FBXW8: variants seen among roughly 807,000 people sequenced by gnomAD.
FBXW8 encodes F-box/WD repeat-containing protein 8.
FBXW8 carries 57 observed loss-of-function variants against 65.3 expected under a neutral mutation model. The observed-to-expected ratio is 0.87, with a 90% CI of 0.71 to 1.09. The LOEUF (loss-of-function observed/expected upper bound fraction) is 1.09, where lower values mean the gene tolerates loss of function less well. Ranked by LOEUF, FBXW8 falls within the 50% of genes least tolerant of loss-of-function variation. FBXW8 has a pLI of 0.00. For missense variants in FBXW8, 777 were observed against 814.8 expected (o/e 0.95, Z 0.57); for synonymous variants, 308 against 330.2 (o/e 0.93, Z 0.73).
chr12:116,944,155 G>A (rs778050766), intron 2 of FBXW8, among the ~76,000 whole-genome samples: 2 of 152,126 alleles, frequency 1.3e-5, no homozygotes, highest in Non-Finnish European at 2.9e-5. Context: ...CAACTTAGAC[G>A]TCACTGTTCT....
intron 4 of FBXW8, among the ~76,000 whole-genome samples, chr12:116,955,043 G>GC (rs1319673520): frequency 6.6e-6 from 1 of 151,386 alleles, no homozygotes; most frequent in Non-Finnish European, 1.5e-5. Flanking sequence ...AAATGGGGGG[G>GC]GGGGGCCCTG....
At chr12:116,950,617 A>G (rs754412833) in intron 4 of FBXW8, 6 of 152,218 alleles carry the variant, frequency 3.9e-5, no homozygotes, top group Admixed American at 3.9e-4. Context: ...ATTTTGTGGC[A>G]TGCAGTGCCT....
At chr12:116,980,950 G>A (rs1019145412) in intron 5 of FBXW8, among the ~76,000 whole-genome samples, 6 of 152,102 alleles carry the variant, frequency 3.9e-5, no homozygotes, top group African/African-American at 1.2e-4. Context: ...ATGTTGGCTC[G>A]ATCAGTCAGG....
At chr12:116,954,457 T>A (rs1332309100) in intron 4 of FBXW8, among the ~76,000 whole-genome samples, 2 of 152,208 alleles carry the variant, frequency 1.3e-5, no homozygotes, top group Non-Finnish European at 2.9e-5. Context: ...GACATTAAGG[T>A]CATTTCCTGT....
chr12:116,976,466 T>C (rs1201726502), intron 5 of FBXW8, among the ~76,000 whole-genome samples: 1 of 148,058 alleles, frequency 6.8e-6, no homozygotes, highest in Non-Finnish European at 1.5e-5. Flanking sequence ...TTTTTTTTTT[T>C]TTTTTTCAAA....
intron 8 of FBXW8, among the ~76,000 whole-genome samples, chr12:117,014,957 T>TA (rs1953914057): frequency 6.6e-6 from 1 of 152,186 alleles, no homozygotes; most frequent in South Asian, 2.1e-4. Flanking sequence ...ATGGGGTTTC[T>TA]ATCAGAGTTC....
intron 5 of FBXW8, among the ~76,000 whole-genome samples, chr12:116,970,557 C>G (rs916899902): frequency 6.6e-6 from 1 of 152,138 alleles, no homozygotes; most frequent in Non-Finnish European, 1.5e-5. Flanking sequence ...TTTAGTTAGA[C>G]GGCTGTAGAG....
At chr12:117,002,637 G>A (rs544692204) in intron 7 of FBXW8, 2 of 152,210 alleles carry the variant, frequency 1.3e-5, no homozygotes, top group Admixed American at 1.3e-4. Context: ...CTTATCTCTG[G>A]CAAGGACTTA....
intron 4 of FBXW8, chr12:116,950,011 A>G (rs1458090881): frequency 6.3e-6 from 2 of 315,712 alleles, no homozygotes; most frequent in East Asian, 1.2e-4. Flanking sequence ...AACAGTTTGT[A>G]TTTTATGAAG....
chr12:116,992,518 C>T (rs569762805), intron 7 of FBXW8, among the ~76,000 whole-genome samples: 34 of 151,172 alleles, frequency 2.2e-4, no homozygotes, highest in Admixed American at 2.0e-3. Flanking sequence ...GAAGCTTGTG[C>T]TTTTAGTGTA....
chr12:116,952,976 A>C (rs1461320561), intron 4 of FBXW8, among the ~76,000 whole-genome samples: 1 of 152,078 alleles, frequency 6.6e-6, no homozygotes, highest in Non-Finnish European at 1.5e-5. Flanking sequence ...GGCTTCAAGA[A>C]ATCAGCCCAC....
intron 9 of FBXW8, among the ~76,000 whole-genome samples, chr12:117,026,928 C>G (rs909924642): frequency 1.3e-5 from 2 of 152,154 alleles, no homozygotes; most frequent in African/African-American, 4.8e-5. Flanking sequence ...ACCCAGGGTA[C>G]GTGTGTCATT....
chr12:116,924,574 T>C (rs116003560), intron 1 of FBXW8, among the ~76,000 whole-genome samples: 2,355 of 152,314 alleles, frequency 0.015, 53 homozygotes, highest in African/African-American at 0.047. Flanking sequence ...TGTCTGATAG[T>C]GTGTTTTAGA....
rs1341173413 is a variant in FBXW8, at chr12:116,972,821, T to A, written c.835+7967T>A. On this transcript the variant is annotated intron_variant, in intron 5 of 10. Transcript: ENST00000652555. ...GATGTACATGTATGTCGTATGTATA[T>A]ATGTTTATGTGTGTCCTGGCTTTGT... is the stretch of plus-strand genomic sequence containing the variant. Among the ~76,000 whole-genome samples, 3 of 152,216 alleles carry A rather than the reference T, an allele frequency of 2.0e-5. No homozygotes were observed. In the East Asian group the frequency reaches 5.8e-4, roughly 29 times the overall value.
In FBXW8 at chr12:116,928,036, A is replaced by G. The variant is rs768310872; in HGVS notation, c.332A>G (p.Asp111Gly). 5.0e-6 allele frequency: 8 copies of G among 1,597,558 alleles called. No homozygotes were observed. Residue 111 changes from aspartate (D) to glycine (G), a missense_variant, in exon 2 of 11, where the codon GAT (aspartate) becomes GGT (glycine). Coordinates refer to ENST00000652555, the MANE Select transcript of FBXW8 (RefSeq NM_153348.3). ...TTTTCCCCTCAGAATGAAATGAATG[A>G]TGTGCCTTTCTTTGATATCCAACTG... ...QLIRDLNEMNDVPFFDIQLPY... is the reference protein window; with the variant it reads ...QLIRDLNEMNGVPFFDIQLPY...
chr12:116,988,727 A>G lies in FBXW8; in HGVS notation c.1097A>G (p.Asp366Gly). The G allele has an allele frequency of 6.2e-7, 1 of 1,614,118 alleles. No homozygotes were observed. The highest frequency in any genetic ancestry group is 1.3e-5 in the African/African-American group (1 of 75,008). The change falls in exon 7 of 11, where the codon GAT (aspartate) becomes GGT (glycine). Residue 366 changes from aspartate to glycine, a missense_variant. Coordinates refer to ENST00000652555, the MANE Select transcript of FBXW8 (RefSeq NM_153348.3). ...RYPVAVAAAG[D>G]LMYLLKAEDS... ...CCTGTGGCAGTAGCCGCTGCTGGAG[A>G]TCTGATGTACCTGCTCAAAGCCGAA... is the stretch of plus-strand genomic sequence containing the variant.
chr12:116,925,541 C>T (rs932247917), intron 1 of FBXW8, among the ~76,000 whole-genome samples: 1 of 151,896 alleles, frequency 6.6e-6, no homozygotes, highest in African/African-American at 2.4e-5. Flanking sequence ...TCTTTTTTTT[C>T]CCTGCCATTT....
At chr12:116,982,899 AC>A (rs1885415406) in intron 5 of FBXW8, among the ~76,000 whole-genome samples, 1 of 152,198 alleles carries the variant, frequency 6.6e-6, no homozygotes, top group African/African-American at 2.4e-5. Flanking sequence ...TTATGCACTT[AC>A]AAATGCAGCC....
chr12:116,985,300 C>T lies in FBXW8; in HGVS notation c.930C>T (p.Asp310=), dbSNP rs771364451. 2.5e-5 allele frequency: 40 copies of T among 1,614,086 alleles called. No homozygotes were observed. Among genetic ancestry groups the T allele is most frequent in the African/African-American group, 6.7e-5 (5 of 74,930 alleles). Residue 310 remains aspartate, a synonymous_variant, in exon 6 of 11, where the codon GAC becomes GAT. Coordinates refer to ENST00000652555, the MANE Select transcript of FBXW8 (RefSeq NM_153348.3). Reference sequence around the variant, plus strand: ...TACAGGCACTAGCCCTCAGCCAGGACGATGCAACCGTGGCCACAGCTTCTG... The same window carrying T: ...TACAGGCACTAGCCCTCAGCCAGGATGATGCAACCGTGGCCACAGCTTCTG... ...ARIQALALSQ[D]DATVATASAF...
Sources: gnomAD v4.1 joint callset for allele counts (sites outside exome capture counted in the v4.1 genomes callset) on GRCh38, gnomAD v4.1.1 for gene constraint, MANE v1.5 for transcripts, NCBI Gene and HGNC (gene_info 2026-07-23, HGNC 2026-07-21) for gene names.